Variants in DIP2B observed in about 807,000 individuals in gnomAD.
DIP2B encodes the protein disco-interacting protein 2 homolog B.
A neutral mutation model predicts 198.0 loss-of-function variants in DIP2B; 76 were observed. The ratio of observed to expected loss-of-function variants is 0.38; its 90% CI spans 0.32 to 0.46. The LOEUF (loss-of-function observed/expected upper bound fraction) is 0.46. DIP2B is among the 20% of genes least tolerant of loss of function. DIP2B has a pLI of 0.99. For synonymous variants in DIP2B, 701 were observed against 739.1 expected, an observed-to-expected ratio of 0.95 and a Z score of 0.84; for missense variants, 1,559 against 1,978.4, an observed-to-expected ratio of 0.79 and a Z score of 4.02.
rs186469121 is a variant in DIP2B at position 50,722,339 on chromosome 12, C to A, written c.3167-863C>A. Reference sequence around the variant, plus strand: ...TTGCTCTGCCACCCACTGCAACCTCCGCCTCCCTGGTTCCAGTGATTCTCC... The same window carrying A: ...TTGCTCTGCCACCCACTGCAACCTCAGCCTCCCTGGTTCCAGTGATTCTCC... On this transcript the variant is annotated intron_variant, in intron 26 of 37. Transcript: ENST00000301180. 1.6e-4 allele frequency among the ~76,000 whole-genome samples: 25 copies of A among 151,722 alleles called. No individual in the cohort carries two copies. The East Asian group carries it at 4.6e-3, about 28-fold the overall frequency.
intron 1 of DIP2B, among the ~76,000 whole-genome samples, chr12:50,558,131 G>A (rs1958487186): frequency 1.3e-5 from 2 of 152,196 alleles, no homozygotes; most frequent in South Asian, 4.1e-4. Context: ...ACTTTGGGAG[G>A]CCAAGGTGGG....
chr12:50,606,333 C>T (rs1958981420), intron 1 of DIP2B, among the ~76,000 whole-genome samples: 1 of 151,970 alleles, frequency 6.6e-6, no homozygotes, highest in Non-Finnish European at 1.5e-5. Context: ...GTTGCCCAAG[C>T]TGGTCTGGAA....
At position 50,745,748 on chromosome 12, in the gene DIP2B, C is replaced by T. The variant is rs1940332935; in HGVS notation, c.*909C>T. 6.6e-6 allele frequency: 1 copy of T among 152,582 alleles called. No homozygotes were observed. Among genetic ancestry groups the T allele is most frequent in the African/African-American group, 2.4e-5 (1 of 41,460 alleles). 9.5% of individuals were successfully genotyped at this position (152,582 alleles called of 1,614,324 possible). Reference sequence around the variant, plus strand: ...AAGCTAAGATTCATCAGAGCCCACCCTATTCTAAGGAACCACAATAACTTA... The same window carrying T: ...AAGCTAAGATTCATCAGAGCCCACCTTATTCTAAGGAACCACAATAACTTA... On this transcript the variant is annotated 3_prime_UTR_variant, in exon 38 of 38. Coordinates refer to ENST00000301180, the MANE Select transcript of DIP2B (RefSeq NM_173602.3).
chr12:50,604,333 C>T (rs572063616), intron 1 of DIP2B, among the ~76,000 whole-genome samples: 4 of 152,272 alleles, frequency 2.6e-5, no homozygotes, highest in South Asian at 2.1e-4. Flanking sequence ...TGTGAGCTAA[C>T]GTTGTCAAGT....
chr12:50,676,737 A>ATC (rs1158600918), intron 7 of DIP2B, among the ~76,000 whole-genome samples: 1 of 152,250 alleles, frequency 6.6e-6, no homozygotes, highest in Non-Finnish European at 1.5e-5. Flanking sequence ...ATGCCCCAGA[A>ATC]TCTGCATTGA....
At chr12:50,733,168 A>G (rs1380969600) in intron 32 of DIP2B, among the ~76,000 whole-genome samples, 2 of 151,416 alleles carry the variant, frequency 1.3e-5, no homozygotes, top group African/African-American at 4.9e-5. Flanking sequence ...AGCCTCCCAA[A>G]GTGCTGGGAT....
At chr12:50,574,760 T>TG (rs1958643785) in intron 1 of DIP2B, among the ~76,000 whole-genome samples, 1 of 152,178 alleles carries the variant, frequency 6.6e-6, no homozygotes. Flanking sequence ...TTATGAAGAA[T>TG]GGGTTGGTGC....
In DIP2B at chr12:50,558,265, G is replaced by A. The variant is rs116160740; in HGVS notation, c.100+53025G>A. ...TATGATCTAGTTCAGAAACTTTTTAGATATGACATTGTTTTGATCAGTCTC... is the reference window on the plus strand; with the variant it reads ...TATGATCTAGTTCAGAAACTTTTTAAATATGACATTGTTTTGATCAGTCTC... On this transcript the variant is annotated intron_variant, in intron 1 of 37. Transcript: ENST00000301180. 3.7e-3 allele frequency among the ~76,000 whole-genome samples: 567 copies of A among 152,274 alleles called. 6 individuals are homozygous for A. Among genetic ancestry groups the A allele is most frequent in the African/African-American group, 0.013 (531 of 41,538 alleles).
intron 1 of DIP2B, among the ~76,000 whole-genome samples, chr12:50,533,860 G>A (rs1958240516): frequency 6.6e-6 from 1 of 152,090 alleles, no homozygotes; most frequent in Non-Finnish European, 1.5e-5. Context: ...AAAGTGCTGG[G>A]ATTATAGGAG....
At chr12:50,559,616 C>A (rs1204073102) in intron 1 of DIP2B, among the ~76,000 whole-genome samples, 4 of 151,404 alleles carry the variant, frequency 2.6e-5, no homozygotes, top group African/African-American at 4.9e-5. Context: ...CCCTATAGTT[C>A]CAGCTACTTG....
intron 7 of DIP2B, 72 bp from the exon 8 acceptor site, chr12:50,678,607 T>G: frequency 3.0e-4 from 432 of 1,443,566 alleles, no homozygotes; most frequent in Non-Finnish European, 3.6e-4. Flanking sequence ...AAGATGCAGT[T>G]GAGATTAGAG....
chr12:50,740,142 G>A (rs1002317000), intron 36 of DIP2B, among the ~76,000 whole-genome samples: 4 of 152,188 alleles, frequency 2.6e-5, no homozygotes, highest in African/African-American at 9.7e-5. Context: ...CTTTCTTCCA[G>A]ACTGACACTT....
intron 1 of DIP2B, among the ~76,000 whole-genome samples, chr12:50,520,871 C>A (rs1422556388): frequency 6.6e-6 from 1 of 152,024 alleles, no homozygotes; most frequent in African/African-American, 2.4e-5. Flanking sequence ...ATCTGACACT[C>A]TTCTATTACA....
intron 1 of DIP2B, among the ~76,000 whole-genome samples, chr12:50,528,071 G>A (rs369539827): frequency 8.6e-5 from 13 of 151,860 alleles, no homozygotes; most frequent in African/African-American, 2.7e-4. Context: ...GAGACTACAA[G>A]CATGCACCAC....
intron 1 of DIP2B, among the ~76,000 whole-genome samples, chr12:50,625,090 T>C (rs1424815537): frequency 2.0e-5 from 3 of 152,254 alleles, no homozygotes; most frequent in Non-Finnish European, 4.4e-5. Flanking sequence ...GGCTTCACAG[T>C]AAATAAAGTT....
chr12:50,706,670 G>A lies in DIP2B; in HGVS notation c.2534+5G>A. On this transcript the variant is annotated splice_donor_5th_base_variant and intron_variant, in intron 21 of 37. Transcript: ENST00000301180. ...AAAGACTGTTTATAGAGGAAGGTGAGTAGTACAAAATTCAAATGTTAGCAC... is the reference window on the plus strand; with the variant it reads ...AAAGACTGTTTATAGAGGAAGGTGAATAGTACAAAATTCAAATGTTAGCAC... 1 of 1,613,680 alleles carries A rather than the reference G, an allele frequency of 6.2e-7. No homozygotes were observed. The highest frequency in any genetic ancestry group is 1.3e-5 in the African/African-American group (1 of 75,036).
At chr12:50,516,241 C>CTATCTA (rs1555180928) in intron 1 of DIP2B, among the ~76,000 whole-genome samples, 11 of 141,104 alleles carry the variant, frequency 7.8e-5, no homozygotes, top group Middle Eastern at 3.7e-3. Context: ...CTCTCTCTCT[C>CTATCTA]TCTCTATCTC....
chr12:50,529,251 A>T (rs1014905176), intron 1 of DIP2B, among the ~76,000 whole-genome samples: 8 of 152,334 alleles, frequency 5.3e-5, no homozygotes, highest in African/African-American at 1.9e-4. Flanking sequence ...TGATGGCACC[A>T]TTGCAACTCT....
intron 34 of DIP2B, among the ~76,000 whole-genome samples, chr12:50,735,716 G>A (rs1313423517): frequency 3.9e-5 from 6 of 152,020 alleles, no homozygotes; most frequent in African/African-American, 1.2e-4. Context: ...CACCTGCCTC[G>A]GCCTCCCAAA....
Sources: allele counts gnomAD v4.1 joint callset (sites outside exome capture counted in the v4.1 genomes callset), GRCh38; gene constraint gnomAD v4.1.1; transcripts MANE v1.5; gene names NCBI Gene and HGNC (gene_info 2026-07-23, HGNC 2026-07-21).